The following AMDHD2 variants were observed in gnomAD, a reference collection of about 807,000 sequenced individuals.
AMDHD2 encodes the protein amidohydrolase domain containing 2, also known as N-acetylglucosamine-6-phosphate deacetylase.
In AMDHD2, 24 loss-of-function variants were observed where a neutral mutation model predicts 41.8. That is an observed-to-expected ratio of 0.57 (90% CI 0.42 to 0.81). AMDHD2 has a LOEUF of 0.81. AMDHD2 is among the 30% of genes least tolerant of loss of function. AMDHD2 has a pLI of 0.00. For synonymous variants in AMDHD2, 332 were observed against 255.5 expected, an observed-to-expected ratio of 1.30 and a Z score of -2.85; for missense variants, 540 against 588.5, an observed-to-expected ratio of 0.92 and a Z score of 0.85.
rs934812625 is a variant in AMDHD2, at chr16:2,531,058, T to TGC, written c.*1496_*1497dup. The TGC allele has an allele frequency of 6.3e-7, 1 of 1,593,018 alleles. No individual in the cohort carries two copies. The highest frequency in any genetic ancestry group is 1.3e-5 in the African/African-American group (1 of 74,532). On this transcript the variant is annotated 3_prime_UTR_variant, in exon 11 of 11. Coordinates refer to ENST00000293971, the MANE Select transcript of AMDHD2 (RefSeq NM_001330449.2). ...CTGTGCCCAGCTTGCTGGCTGTCAG[T>TGC]GCTTGATGTGCCCATCCTCAGCTAA...
Position 2,531,008 on chromosome 16 carries a change from C to G in AMDHD2, c.*1445C>G, listed in dbSNP as rs202039571. ...GGGAGAGGCAGGTGAGGTTCTCAGCCGATGTGTTAGAGGTTGAGCATCGCC... is the reference window on the plus strand; with the variant it reads ...GGGAGAGGCAGGTGAGGTTCTCAGCGGATGTGTTAGAGGTTGAGCATCGCC... On this transcript the variant is annotated 3_prime_UTR_variant, in exon 11 of 11. Coordinates refer to ENST00000293971, the MANE Select transcript of AMDHD2 (RefSeq NM_001330449.2). The G allele has an allele frequency of 1.4e-5, 23 of 1,612,332 alleles. No homozygotes were observed. Among genetic ancestry groups the G allele is most frequent in the African/African-American group, 2.7e-5 (2 of 74,888 alleles).
In AMDHD2 at chr16:2,529,072, C is replaced by A; in HGVS notation, c.1118C>A (p.Thr373Asn). The change falls in exon 10 of 11, where the codon ACC (threonine) becomes AAC (asparagine). Residue 373 changes from threonine to asparagine, a missense_variant. Transcript: ENST00000293971. ...QLLGLEKSKG[T>N]LDFGADADFV... The stretch of plus-strand genomic sequence containing the variant: ...CTGGGGCTGGAGAAGAGTAAGGGGA[C>A]CCTGGACTTTGGTGCTGACGCAGGT... 1 of 1,594,400 alleles carries A rather than the reference C, an allele frequency of 6.3e-7. No individual in the cohort carries two copies. Among genetic ancestry groups the A allele is most frequent in the Non-Finnish European group, 8.5e-7 (1 of 1,171,124 alleles).
intron 10 of AMDHD2, 100 bp downstream of exon 10, chr16:2,529,195 C>A: frequency 8.2e-7 from 1 of 1,223,912 alleles, no homozygotes; most frequent in South Asian, 1.6e-5. Flanking sequence ...TGGGTCCTCC[C>A]TAGCTCCCTC....
At position 2,530,089 on chromosome 16, in the gene AMDHD2, G is replaced by T. The variant is rs1030396271; in HGVS notation, c.*526G>T. 1 of 1,064,190 alleles carries T rather than the reference G, an allele frequency of 9.4e-7. No homozygotes were observed. The highest frequency in any genetic ancestry group is 1.7e-5 in the South Asian group (1 of 59,074). 65.9% of individuals were successfully genotyped at this position (1,064,190 alleles called of 1,614,324 possible). A position where few individuals can be genotyped will look rare whatever the true frequency, so the allele number is the denominator to read the frequency against. ...GTGTGCAGCGTGGAGCCCACAGCCTGGTTCTGGGCCAGGGCACAGTGCCAG... is the reference window on the plus strand; with the variant it reads ...GTGTGCAGCGTGGAGCCCACAGCCTTGTTCTGGGCCAGGGCACAGTGCCAG... On this transcript the variant is annotated 3_prime_UTR_variant, in exon 11 of 11. Coordinates refer to ENST00000293971, the MANE Select transcript of AMDHD2 (RefSeq NM_001330449.2).
chr16:2,520,500 G>C lies in AMDHD2; in HGVS notation c.42G>C (p.Gln14His). The C allele has an allele frequency of 1.6e-6, 2 of 1,229,104 alleles. No homozygotes were observed. The highest frequency in any genetic ancestry group is 1.0e-6 in the Non-Finnish European group (1 of 979,208). The allele number at this position is 1,229,104 out of a possible 1,614,324, so 76.1% of individuals were successfully genotyped here. Reference sequence around the variant, plus strand: ...GCGCGGCGGGGGCCCGCGTGCTCCAGTTCACTAACTGCCGGATCCTGCGCG... The same window carrying C: ...GCGCGGCGGGGGCCCGCGTGCTCCACTTCACTAACTGCCGGATCCTGCGCG... ...EQGAAGARVLQFTNCRILRGG... is the reference protein window; with the variant it reads ...EQGAAGARVLHFTNCRILRGG... The change falls in exon 1 of 11, where the codon CAG (glutamine) becomes CAC (histidine). Residue 14 changes from glutamine (Q) to histidine (H), a missense_variant. Coordinates refer to ENST00000293971, the MANE Select transcript of AMDHD2 (RefSeq NM_001330449.2).
At position 2,529,019 on chromosome 16, in the gene AMDHD2, G is replaced by T; in HGVS notation, c.1065G>T (p.Glu355Asp). 1 of 1,593,456 alleles carries T rather than the reference G, an allele frequency of 6.3e-7. No homozygotes were observed. The stretch of plus-strand genomic sequence containing the variant: ...GCTGCAGCATGGAGTCGGCCCTGGA[G>T]GCTGCATCCCTGCACCCCGCCCAGT... ...ATGCSMESAL[E>D]AASLHPAQLL... The change falls in exon 10 of 11, where the codon GAG becomes GAT. Residue 355 changes from glutamate (E) to aspartate (D), a missense_variant. Transcript: ENST00000293971.
chr16:2,521,160 C>A lies in AMDHD2; in HGVS notation c.360+37C>A, dbSNP rs767371807. On this transcript the variant is annotated intron_variant, in intron 3 of 10. Coordinates refer to ENST00000293971, the MANE Select transcript of AMDHD2 (RefSeq NM_001330449.2). ...CTCCCTGGCTGAGGTGGAGGGGGCT[C>A]CCGGAGCAACCAGCGCCCTCATTTT... 2.2e-5 allele frequency: 33 copies of A among 1,514,640 alleles called. 1 individual carries two copies. The East Asian group carries it at 7.7e-4, about 36-fold the overall frequency. The allele number at this position is 1,514,640 out of a possible 1,614,324, so 93.8% of individuals were successfully genotyped here. A position where few individuals can be genotyped will look rare whatever the true frequency, so the allele number is the denominator to read the frequency against.
At chr16:2,522,806 G>A (rs578011541) in intron 3 of AMDHD2, among the ~76,000 whole-genome samples, 1 of 151,744 alleles carries the variant, frequency 6.6e-6, no homozygotes, top group Non-Finnish European at 1.5e-5. Flanking sequence ...GAGCCACTGT[G>A]CCTGGCCCAT....
rs1206427028 is a variant in AMDHD2 at position 2,527,084 on chromosome 16, C to A, written c.361-477C>A. 1.6e-5 allele frequency: 3 copies of A among 187,030 alleles called. No homozygotes were observed. The highest frequency in any genetic ancestry group is 3.3e-5 in the Non-Finnish European group (3 of 90,538). 11.6% of individuals were successfully genotyped at this position (187,030 alleles called of 1,614,324 possible). A position where few individuals can be genotyped will look rare whatever the true frequency, so the allele number is the denominator to read the frequency against. ...GAGGGAGTGTGCACTGGACTGCCTG[C>A]CCACCTGTTAGCCTCTGAGATGTGT... On this transcript the variant is annotated intron_variant, in intron 3 of 10. Transcript: ENST00000293971. This position sits in a 1 kb window ranked among gnomAD's most constrained non-coding sequence, Gnocchi z 6.1.
chr16:2,530,257 G>C lies in AMDHD2; in HGVS notation c.*694G>C. The C allele has an allele frequency of 6.2e-7, 1 of 1,609,452 alleles. No homozygotes were observed. The highest frequency in any genetic ancestry group is 8.5e-7 in the Non-Finnish European group (1 of 1,178,168). On this transcript the variant is annotated 3_prime_UTR_variant, in exon 11 of 11. Transcript: ENST00000293971. ...ACCCTATCTCTTCACACATCCCCAG[G>C]CCCAGTGCTTGCCGGCTGTGGTGAC...
Position 2,530,112 on chromosome 16 carries a change from CA to C in AMDHD2, c.*550del. 1 of 1,250,404 alleles carries C rather than the reference CA, an allele frequency of 8.0e-7. No homozygotes were observed. Among genetic ancestry groups the C allele is most frequent in the Non-Finnish European group, 1.1e-6 (1 of 929,574 alleles). 77.5% of individuals were successfully genotyped at this position (1,250,404 alleles called of 1,614,324 possible). A position where few individuals can be genotyped will look rare whatever the true frequency, so the allele number is the denominator to read the frequency against. On this transcript the variant is annotated 3_prime_UTR_variant, in exon 11 of 11. Coordinates refer to ENST00000293971, the MANE Select transcript of AMDHD2 (RefSeq NM_001330449.2). ...CTGGTTCTGGGCCAGGGCACAGTGCCAGGGGCTCCGCTCTGACCTCCAGGAG... is the reference window on the plus strand; with the variant it reads ...CTGGTTCTGGGCCAGGGCACAGTGCCGGGGCTCCGCTCTGACCTCCAGGAG...
At chr16:2,526,497 C>A (rs1184142032) in intron 3 of AMDHD2, among the ~76,000 whole-genome samples, 1 of 152,196 alleles carries the variant, frequency 6.6e-6, no homozygotes, top group African/African-American at 2.4e-5. Context: ...AAGGCACCAT[C>A]CTGAGCCTGT....
In AMDHD2 at chr16:2,530,802, C is replaced by T. The variant is rs747949867; in HGVS notation, c.*1239C>T. 2.5e-6 allele frequency: 4 copies of T among 1,613,754 alleles called. No homozygotes were observed. Among genetic ancestry groups the T allele is most frequent in the East Asian group, 2.2e-5 (1 of 44,874 alleles). On this transcript the variant is annotated 3_prime_UTR_variant, in exon 11 of 11. Coordinates refer to ENST00000293971, the MANE Select transcript of AMDHD2 (RefSeq NM_001330449.2). ...GGCACAAGGGGTTGATCTCAGCCCA[C>T]AAGCCCCAGGGGCAGCCCAGGAAAG...
At chr16:2,528,879 G>A (rs1281094629) in intron 9 of AMDHD2, 115 bp from the exon 10 acceptor site, 1 of 1,479,364 alleles carries the variant, frequency 6.8e-7, no homozygotes, top group Middle Eastern at 1.8e-4. Context: ...AGACCAGCAG[G>A]GTCCTTGTTA....
rs770510712 is a variant in AMDHD2, at chr16:2,528,479, C to T, written c.890C>T (p.Pro297Leu). 9.9e-6 allele frequency: 16 copies of T among 1,612,728 alleles called. No homozygotes were observed. Among genetic ancestry groups the T allele is most frequent in the Admixed American group, 1.7e-5 (1 of 59,960 alleles). ...CTGGTGCTGGTCACCGATGCCATCC[C>T]TGCCTTGGGCCTGGGCAACGGCCGG... ...QGLVLVTDAIPALGLGNGRHT... is the reference protein window; with the variant it reads ...QGLVLVTDAILALGLGNGRHT... Residue 297 changes from proline (P) to leucine (L), a missense_variant, in exon 8 of 11, where the codon CCT (proline) becomes CTT (leucine). Transcript: ENST00000293971.
chr16:2,527,427 T>G lies in AMDHD2; in HGVS notation c.361-134T>G. On this transcript the variant is annotated intron_variant, in intron 3 of 10. Coordinates refer to ENST00000293971, the MANE Select transcript of AMDHD2 (RefSeq NM_001330449.2). This position sits in a 1 kb window ranked among gnomAD's most constrained non-coding sequence, Gnocchi z 6.1. ...CCGGCTGTGCTTTCCCTGACCCCTGTGAGGGGACAGGCGGCCGGGGCTGGG... is the reference window on the plus strand; with the variant it reads ...CCGGCTGTGCTTTCCCTGACCCCTGGGAGGGGACAGGCGGCCGGGGCTGGG... The G allele has an allele frequency of 1.1e-6, 1 of 891,528 alleles. No homozygotes were observed. Among genetic ancestry groups the G allele is most frequent in the Non-Finnish European group, 1.8e-6 (1 of 565,036 alleles). The allele number at this position is 891,528 out of a possible 1,614,324, so 55.2% of individuals were successfully genotyped here.
rs781515519 is a variant in AMDHD2, at chr16:2,530,693, C to G, written c.*1130C>G. Reference sequence around the variant, plus strand: ...TCCAGGTCCAAAGAGATAGGATGGTCTGGGCCCCACCTGTTGGAAGGGAAC... The same window carrying G: ...TCCAGGTCCAAAGAGATAGGATGGTGTGGGCCCCACCTGTTGGAAGGGAAC... On this transcript the variant is annotated 3_prime_UTR_variant, in exon 11 of 11. Coordinates refer to ENST00000293971, the MANE Select transcript of AMDHD2 (RefSeq NM_001330449.2). 6.2e-7 allele frequency: 1 copy of G among 1,614,120 alleles called. No homozygotes were observed. Among genetic ancestry groups the G allele is most frequent in the Non-Finnish European group, 8.5e-7 (1 of 1,180,028 alleles).
At position 2,527,768 on chromosome 16, in the gene AMDHD2, C is replaced by G. The variant is rs2066022694; in HGVS notation, c.416-5C>G. The G allele has an allele frequency of 6.4e-7, 1 of 1,571,802 alleles. No homozygotes were observed. Among genetic ancestry groups the G allele is most frequent in the Non-Finnish European group, 8.6e-7 (1 of 1,162,826 alleles). On this transcript the variant is annotated splice_polypyrimidine_tract_variant and splice_region_variant and intron_variant, in intron 4 of 10. Coordinates refer to ENST00000293971, the MANE Select transcript of AMDHD2 (RefSeq NM_001330449.2). This position sits in a 1 kb window ranked among gnomAD's most constrained non-coding sequence, Gnocchi z 6.1. ...CTGCTGGAGCCACTTGCTCCCTCCT[C>G]CCAGGGCTGCACCTGGAGGGCCCCT...
rs1335604794 is a variant in AMDHD2 at position 2,530,103 on chromosome 16, GCA to G, written c.*543_*544del. ...GCCCACAGCCTGGTTCTGGGCCAGG[GCA>G]CAGTGCCAGGGGCTCCGCTCTGACC... On this transcript the variant is annotated 3_prime_UTR_variant, in exon 11 of 11. Transcript: ENST00000293971. 3 of 1,187,878 alleles carry G rather than the reference GCA, an allele frequency of 2.5e-6. No individual in the cohort carries two copies. The highest frequency in any genetic ancestry group is 2.9e-4 in the Middle Eastern group (1 of 3,452). 73.6% of individuals were successfully genotyped at this position (1,187,878 alleles called of 1,614,324 possible). A position where few individuals can be genotyped will look rare whatever the true frequency, so the allele number is the denominator to read the frequency against.
Sources: gnomAD v4.1 joint callset for allele counts (sites outside exome capture counted in the v4.1 genomes callset) on GRCh38, gnomAD v4.1.1 for gene constraint, Gnocchi (gnomAD v3.1) non-coding constraint, MANE v1.5 for transcripts, NCBI Gene and HGNC (gene_info 2026-07-23, HGNC 2026-07-21) for gene names.